LOXHD1: variants seen among roughly 807,000 people sequenced by gnomAD.
LOXHD1 encodes lipoxygenase homology domain-containing protein 1.
Under a neutral mutation model 248.2 loss-of-function variants are expected in LOXHD1, and 205 were observed. The ratio of observed to expected loss-of-function variants is 0.83; its 90% confidence interval spans 0.74 to 0.93. The LOEUF (loss-of-function observed/expected upper bound fraction) is 0.93, where lower values mean the gene tolerates loss of function less well. LOXHD1 is among the 40% of genes least tolerant of loss of function. The pLI is 0.00. For missense variants in LOXHD1, 2,930 were observed against 2,971.6 expected (o/e 0.99, Z 0.33); for synonymous variants, 1,113 against 1,162.8 (o/e 0.96, Z 0.87).
intron 40 of LOXHD1, among the ~76,000 whole-genome samples, chr18:46,481,423 G>T (rs2032557581): frequency 6.6e-6 from 1 of 152,144 alleles, no homozygotes; most frequent in African/African-American, 2.4e-5. Context: ...GAGAACTGCA[G>T]GCAGGCAGGG....
chr18:46,479,246 G>GTGTA (rs386387578), intron 40 of LOXHD1, among the ~76,000 whole-genome samples: 3 of 149,286 alleles, frequency 2.0e-5, no homozygotes, highest in Admixed American at 1.4e-4. Context: ...ATGTGTGTGT[G>GTGTA]TGTGTGTGTG....
At chr18:46,622,200 G>C (rs34782268) in intron 4 of LOXHD1, among the ~76,000 whole-genome samples, 1 of 152,144 alleles carries the variant, frequency 6.6e-6, no homozygotes, top group Non-Finnish European at 1.5e-5. Flanking sequence ...AAATATTTTA[G>C]GATTTGCAGG....
At chr18:46,484,279 T>G (rs1052071223) in intron 39 of LOXHD1, among the ~76,000 whole-genome samples, 1 of 152,152 alleles carries the variant, frequency 6.6e-6, no homozygotes, top group South Asian at 2.1e-4. Flanking sequence ...AAATGGAATG[T>G]CTGTGCCCCA....
rs111434847 is a variant in LOXHD1 at position 46,485,296 on chromosome 18, G to A, written c.6050-145C>T. ...GGGGGAGGCAGGTTAAAAGCACCAC[G>A]ATTGAGGCGTTGTAGGTAGAATCTG... On this transcript the variant is annotated intron_variant, in intron 38 of 40. Transcript: ENST00000642948. 1.8e-3 allele frequency: 1,548 copies of A among 838,088 alleles called. 22 individuals are homozygous for A. In the African/African-American group the frequency reaches 0.023, roughly 12 times the overall value. The allele number at this position is 838,088 out of a possible 1,614,324, so 51.9% of individuals were successfully genotyped here.
chr18:46,491,828 T>G (rs980374635), intron 37 of LOXHD1, among the ~76,000 whole-genome samples: 3 of 152,224 alleles, frequency 2.0e-5, no homozygotes, highest in Non-Finnish European at 4.4e-5. Context: ...ACTGCATGGA[T>G]GAAGACAACC....
chr18:46,489,091 C>T lies in LOXHD1; in HGVS notation c.5930G>A (p.Arg1977His), dbSNP rs1456219036. The T allele has an allele frequency of 1.2e-5, 19 of 1,551,710 alleles. No homozygotes were observed. The highest frequency in any genetic ancestry group is 7.1e-5 in the South Asian group (6 of 84,062). ...LSYVDVKDNS[R>H]DETFHFQCDC... ...ACACTGGAAGTGGAAGGTCTCGTCG[C>T]GGGAGTTGTCCTTCACATCGACATA... The change falls in exon 38 of 41, where the codon CGC (arginine) becomes CAC (histidine). Residue 1977 changes from arginine (R) to histidine (H), a missense_variant. By Grantham distance (29) the Arg-to-His change is conservative (BLOSUM62 0). Coordinates refer to ENST00000642948, the MANE Select transcript of LOXHD1 (RefSeq NM_001384474.1).
intron 17 of LOXHD1, among the ~76,000 whole-genome samples, chr18:46,564,882 G>A (rs1228364767): frequency 6.6e-6 from 1 of 152,212 alleles, no homozygotes; most frequent in African/African-American, 2.4e-5. Flanking sequence ...TCTGGGAGCG[G>A]GAGAGGTGAT....
At chr18:46,549,903 C>T (rs190885056) in intron 21 of LOXHD1, among the ~76,000 whole-genome samples, 51 of 152,298 alleles carry the variant, frequency 3.3e-4, no homozygotes, top group Non-Finnish European at 6.3e-4. Context: ...TGGATGAAAC[C>T]CAGGACACTA....
chr18:46,538,485 C>T (rs974096731), intron 25 of LOXHD1, 148 bp from the exon 26 acceptor site: 1 of 821,320 alleles, frequency 1.2e-6, no homozygotes, highest in South Asian at 1.7e-5. Flanking sequence ...GGGACCTGGA[C>T]CTTCACAAGG....
intron 15 of LOXHD1, among the ~76,000 whole-genome samples, chr18:46,570,878 C>T (rs780319086): frequency 9.9e-5 from 15 of 152,262 alleles, no homozygotes; most frequent in Non-Finnish European, 1.8e-4. Flanking sequence ...CGCTTTCAGA[C>T]GCTCTGACTG....
chr18:46,518,137 C>T lies in LOXHD1; in HGVS notation c.5391G>A (p.Lys1797=). 1 of 1,551,620 alleles carries T rather than the reference C, an allele frequency of 6.4e-7. No individual in the cohort carries two copies. The highest frequency in any genetic ancestry group is 8.7e-7 in the Non-Finnish European group (1 of 1,146,964). Residue 1797 remains lysine (K), a synonymous_variant, in exon 34 of 41, where the codon AAG becomes AAA. Coordinates refer to ENST00000642948, the MANE Select transcript of LOXHD1 (RefSeq NM_001384474.1). ...GGGCCGCCTCCAGGTACCTGGCTTT[C>T]TTTTTGTCCAGCTGCATCTCCTCTG... ...GSTEEMQLDK[K]KARFEREQND... is the part of the protein sequence containing the mutation.
intron 5 of LOXHD1, among the ~76,000 whole-genome samples, chr18:46,616,873 T>C (rs1191392229): frequency 6.6e-6 from 1 of 152,242 alleles, no homozygotes; most frequent in Non-Finnish European, 1.5e-5. Flanking sequence ...CAAATCTGTT[T>C]CCTTTTAAAA....
At chr18:46,592,134 C>T in intron 11 of LOXHD1, 66 bp from the exon 12 acceptor site, 1 of 1,539,036 alleles carries the variant, frequency 6.5e-7, no homozygotes, top group Non-Finnish European at 8.8e-7. Flanking sequence ...CCTGCAGTCC[C>T]CATTCTGCTA....
intron 5 of LOXHD1, among the ~76,000 whole-genome samples, chr18:46,612,087 C>A (rs1482370087): frequency 6.6e-6 from 1 of 152,176 alleles, no homozygotes; most frequent in Non-Finnish European, 1.5e-5. Flanking sequence ...CATCTGACTG[C>A]TGTATAATAG....
At chr18:46,486,692 G>C (rs143159475) in intron 38 of LOXHD1, among the ~76,000 whole-genome samples, 5 of 152,136 alleles carry the variant, frequency 3.3e-5, no homozygotes, top group Non-Finnish European at 7.4e-5. Context: ...GTCAGAATCA[G>C]TGAGGGAGGC....
At chr18:46,599,699 TA>T (rs1459710415) in intron 8 of LOXHD1, among the ~76,000 whole-genome samples, 1 of 152,102 alleles carries the variant, frequency 6.6e-6, no homozygotes, top group Non-Finnish European at 1.5e-5. Flanking sequence ...GATTAAATTT[TA>T]AAACTCCTAA....
At chr18:46,602,191 G>T (rs2038350611) in intron 7 of LOXHD1, among the ~76,000 whole-genome samples, 1 of 152,078 alleles carries the variant, frequency 6.6e-6, no homozygotes, top group Non-Finnish European at 1.5e-5. Context: ...GCCTGGCCTA[G>T]ATTTTTTTAT....
At chr18:46,489,784 G>A (rs2143638212) in intron 37 of LOXHD1, among the ~76,000 whole-genome samples, 1 of 152,364 alleles carries the variant, frequency 6.6e-6, no homozygotes, top group African/African-American at 2.4e-5. Flanking sequence ...CTTGAAGGCA[G>A]GGAGTAGGTC....
At chr18:46,550,932 T>C (rs1387719813) in intron 21 of LOXHD1, among the ~76,000 whole-genome samples, 2 of 152,138 alleles carry the variant, frequency 1.3e-5, no homozygotes, top group Non-Finnish European at 2.9e-5. Flanking sequence ...GGGAAAACTA[T>C]GACCCCATGA....
Sources: allele counts gnomAD v4.1 joint callset (sites outside exome capture counted in the v4.1 genomes callset), GRCh38; gene constraint gnomAD v4.1.1; transcripts MANE v1.5; gene names NCBI Gene and HGNC (gene_info 2026-07-23, HGNC 2026-07-21).